Variants in SUGCT observed in about 807,000 individuals in gnomAD.
SUGCT encodes the protein succinyl-CoA:glutarate-CoA transferase, also known as succinyl-CoA:glutarate CoA-transferase.
Under a neutral mutation model 55.0 loss-of-function variants are expected in SUGCT, and 41 were observed. That is an observed-to-expected ratio of 0.74 (90% CI 0.58 to 0.97). The LOEUF (loss-of-function observed/expected upper bound fraction) is 0.97. Ranked by LOEUF, SUGCT falls within the 50% of genes least tolerant of loss-of-function variation. SUGCT has a pLI of 0.00. For synonymous variants in SUGCT, 187 were observed against 200.4 expected, an observed-to-expected ratio of 0.93 and a Z score of 0.56; for missense variants, 568 against 547.8, an observed-to-expected ratio of 1.04 and a Z score of -0.37.
the SUGCT span, among the ~76,000 whole-genome samples, chr7:40,922,330 A>G: frequency 6.6e-6 from 1 of 152,208 alleles, no homozygotes; most frequent in South Asian, 2.1e-4. Flanking sequence ...CCAGCACTCC[A>G]AGTCCTAATT....
At chr7:40,545,429 G>T (rs1794936967) in intron 12 of SUGCT, among the ~76,000 whole-genome samples, 1 of 152,156 alleles carries the variant, frequency 6.6e-6, no homozygotes, top group South Asian at 2.1e-4. Context: ...CAAGGTCTCT[G>T]GCTGTTTCTC....
intron 8 of SUGCT, among the ~76,000 whole-genome samples, chr7:40,291,412 A>G (rs1468036981): frequency 2.0e-5 from 3 of 147,982 alleles, no homozygotes; most frequent in Non-Finnish European, 4.5e-5. Context: ...AGGACAAAAA[A>G]CCAGACACCA....
chr7:40,217,848 T>G (rs1787763457), intron 6 of SUGCT, among the ~76,000 whole-genome samples: 1 of 152,200 alleles, frequency 6.6e-6, no homozygotes, highest in Non-Finnish European at 1.5e-5. Context: ...CTTGAAAAAC[T>G]GTCACTAGTG....
the SUGCT span, among the ~76,000 whole-genome samples, chr7:40,974,345 G>T: frequency 6.6e-6 from 1 of 152,162 alleles, no homozygotes; most frequent in African/African-American, 2.4e-5. Context: ...CTATGAGGAG[G>T]TGATAAAGGT....
chr7:40,524,526 T>C (rs1489929554), intron 12 of SUGCT, among the ~76,000 whole-genome samples: 1 of 152,150 alleles, frequency 6.6e-6, no homozygotes, highest in African/African-American at 2.4e-5. Context: ...TAATTATTTG[T>C]CTCCCTCCAA....
chr7:40,996,433 A>C, the SUGCT span, among the ~76,000 whole-genome samples: 2 of 152,176 alleles, frequency 1.3e-5, no homozygotes, highest in African/African-American at 2.4e-5. Flanking sequence ...TTTAGAAGGC[A>C]GTGGTTTGTT....
At chr7:40,283,940 T>G (rs377626755) in intron 8 of SUGCT, among the ~76,000 whole-genome samples, 8 of 152,236 alleles carry the variant, frequency 5.3e-5, no homozygotes, top group African/African-American at 1.9e-4. Flanking sequence ...AGAAATGTGT[T>G]ATATATATGC....
chr7:40,726,557 A>G (rs923409496), intron 12 of SUGCT, among the ~76,000 whole-genome samples: 15 of 152,146 alleles, frequency 9.9e-5, no homozygotes, highest in Non-Finnish European at 2.1e-4. Flanking sequence ...ATTACCCAAT[A>G]TGTACTAACC....
At chr7:40,319,871 G>A (rs1795632164) in intron 9 of SUGCT, among the ~76,000 whole-genome samples, 1 of 152,092 alleles carries the variant, frequency 6.6e-6, no homozygotes, top group Non-Finnish European at 1.5e-5. Context: ...TGTCCAGGCT[G>A]GAGTGCAGTG....
chr7:40,998,853 C>T, the SUGCT span, among the ~76,000 whole-genome samples: 1 of 152,190 alleles, frequency 6.6e-6, no homozygotes, highest in African/African-American at 2.4e-5. Context: ...GGTGATCTCT[C>T]TTGAGAATAG....
At chr7:40,460,600 C>T (rs1789742437) in intron 11 of SUGCT, among the ~76,000 whole-genome samples, 1 of 152,178 alleles carries the variant, frequency 6.6e-6, no homozygotes, top group Non-Finnish European at 1.5e-5. Context: ...CATGACCATA[C>T]TGCGAGAAGA....
At chr7:40,290,245 A>G (rs1386352229) in intron 8 of SUGCT, among the ~76,000 whole-genome samples, 1 of 152,228 alleles carries the variant, frequency 6.6e-6, no homozygotes, top group Middle Eastern at 3.2e-3. Flanking sequence ...ATGCTACCTG[A>G]CTTCAAACTA....
At chr7:40,378,113 TA>T (rs1406885192) in intron 9 of SUGCT, among the ~76,000 whole-genome samples, 1 of 12,050 alleles carries the variant, frequency 8.3e-5, no homozygotes, top group African/African-American at 8.9e-5. Flanking sequence ...ATGTGTAGGA[TA>T]TTTTTTTTTT....
chr7:40,343,102 A>C (rs1052014464), intron 9 of SUGCT, among the ~76,000 whole-genome samples: 1 of 152,216 alleles, frequency 6.6e-6, no homozygotes, highest in Admixed American at 6.5e-5. Context: ...TCTGAAGGCT[A>C]TGCTCTGGAG....
intron 9 of SUGCT, among the ~76,000 whole-genome samples, chr7:40,449,047 C>T (rs1210496393): frequency 6.6e-6 from 1 of 151,376 alleles, no homozygotes; most frequent in Non-Finnish European, 1.5e-5. Flanking sequence ...CTGGCTAATA[C>T]AATAGCCACT....
intron 7 of SUGCT, among the ~76,000 whole-genome samples, chr7:40,254,269 A>C (rs1034465644): frequency 2.0e-5 from 3 of 152,128 alleles, no homozygotes; most frequent in Non-Finnish European, 4.4e-5. Context: ...CTGGTTTTTC[A>C]AGAAATGTCT....
intron 9 of SUGCT, among the ~76,000 whole-genome samples, chr7:40,432,154 A>G (rs73688073): frequency 2.6e-4 from 40 of 152,218 alleles, no homozygotes; most frequent in African/African-American, 8.9e-4. Context: ...AATTTTACCT[A>G]TGGGTTTTTC....
At chr7:40,557,467 T>A in intron 12 of SUGCT, among the ~76,000 whole-genome samples, 1 of 152,152 alleles carries the variant, frequency 6.6e-6, no homozygotes, top group South Asian at 2.1e-4. Flanking sequence ...TTAAAAACTT[T>A]TGTACATCAC....
chr7:40,303,124 C>T (rs1794635953), intron 8 of SUGCT, among the ~76,000 whole-genome samples: 1 of 151,954 alleles, frequency 6.6e-6, no homozygotes, highest in Admixed American at 6.6e-5. Flanking sequence ...ACCTCCGCCT[C>T]CCGAGTTCAA....
Sources: allele counts gnomAD v4.1 joint callset (sites outside exome capture counted in the v4.1 genomes callset), GRCh38; gene constraint gnomAD v4.1.1; transcripts MANE v1.5; gene names NCBI Gene and HGNC (gene_info 2026-07-23, HGNC 2026-07-21).